Variants in NAV3 observed in about 807,000 individuals in gnomAD.
NAV3 encodes the protein neuron navigator 3.
Under a neutral mutation model 244.7 loss-of-function variants are expected in NAV3, and 87 were observed. That is an observed-to-expected ratio of 0.36 (90% CI 0.30 to 0.42). The LOEUF (loss-of-function observed/expected upper bound fraction) is 0.42. Among genes scored for constraint, NAV3 ranks in the 20% least tolerant of loss-of-function variants. The probability of loss-of-function intolerance (pLI) is 1.00; values close to 1 mark genes in which losing one functional copy is unlikely to be tolerated. For missense variants in NAV3, 2,663 were observed against 2,893.3 expected, an observed-to-expected ratio of 0.92 and a Z score of 1.83; for synonymous variants, 1,126 against 1,042.2, an observed-to-expected ratio of 1.08 and a Z score of -1.55.
intron 2 of NAV3, among the ~76,000 whole-genome samples, chr12:77,715,475 A>T (rs1876318224): frequency 6.6e-6 from 1 of 151,972 alleles, no homozygotes; most frequent in African/African-American, 2.4e-5. Flanking sequence ...ACACATTTAC[A>T]TACATTAATA....
intron 2 of NAV3, among the ~76,000 whole-genome samples, chr12:77,678,479 G>A (rs1874306375): frequency 6.6e-6 from 1 of 152,102 alleles, no homozygotes; most frequent in South Asian, 2.1e-4. Flanking sequence ...ATGACTCAAG[G>A]TCGTCATTCT....
intron 1 of NAV3, among the ~76,000 whole-genome samples, chr12:77,936,698 G>A (rs1373071407): frequency 6.6e-6 from 1 of 152,038 alleles, no homozygotes; most frequent in African/African-American, 2.4e-5. Context: ...GGGCAATTTT[G>A]GAGTTCAAAT....
At chr12:77,682,636 T>C (rs975381893) in intron 2 of NAV3, among the ~76,000 whole-genome samples, 6 of 152,206 alleles carry the variant, frequency 3.9e-5, no homozygotes, top group Admixed American at 6.6e-5. Context: ...GCAAAGGTTC[T>C]CTTTTCTCCA....
intron 38 of NAV3, among the ~76,000 whole-genome samples, chr12:78,202,482 C>T (rs1010856359): frequency 6.6e-6 from 1 of 151,750 alleles, no homozygotes; most frequent in Non-Finnish European, 1.5e-5. Flanking sequence ...GTTCTTTTTT[C>T]ATATTTAAAT....
chr12:77,649,617 C>A (rs1374368219), intron 2 of NAV3, among the ~76,000 whole-genome samples: 3 of 152,008 alleles, frequency 2.0e-5, no homozygotes. Flanking sequence ...GAATGAAATT[C>A]ATGTTTACTG....
chr12:77,963,553 G>C (rs188632558), intron 3 of NAV3, among the ~76,000 whole-genome samples: 11 of 152,156 alleles, frequency 7.2e-5, no homozygotes, highest in Non-Finnish European at 4.4e-5. Context: ...ATAAATTTTG[G>C]TAAACTGTTA....
intron 2 of NAV3, among the ~76,000 whole-genome samples, chr12:77,621,257 A>T (rs1871358178): frequency 6.6e-6 from 1 of 152,188 alleles, no homozygotes; most frequent in South Asian, 2.1e-4. Context: ...GCTCTCCTGT[A>T]GCTGCTAGGC....
intron 2 of NAV3, among the ~76,000 whole-genome samples, chr12:77,770,482 T>C (rs2135874494): frequency 6.6e-6 from 1 of 152,260 alleles, no homozygotes; most frequent in East Asian, 1.9e-4. Context: ...AAGTAGGGAT[T>C]TTTGCCTAAA....
rs1958816997 is a variant in NAV3, at chr12:78,188,302, A to C, written c.5845A>C (p.Lys1949Gln). The C allele has an allele frequency of 6.2e-7, 1 of 1,611,632 alleles. No individual in the cohort carries two copies. The highest frequency in any genetic ancestry group is 8.5e-7 in the Non-Finnish European group (1 of 1,178,342). The change falls in exon 32 of 40, where the codon AAG becomes CAG. Residue 1949 changes from lysine to glutamine, a missense_variant. Around this residue, in one of 6 missense-constraint regions of NAV3, gnomAD observed 543 missense variants for 672.4 expected, o/e 0.81. Coordinates refer to ENST00000397909, the MANE Select transcript of NAV3 (RefSeq NM_001024383.2). ...ATCCATTGGTGTTAGTGGAAAAACC[A>C]AGTGGGATGTCTTAGATGGTGTAAT... The part of the protein sequence containing the change: ...IGSIGVSGKT[K>Q]WDVLDGVIRR...
intron 35 of NAV3, 99 bp downstream of exon 35, chr12:78,197,500 T>A: frequency 4.8e-6 from 4 of 830,948 alleles, no homozygotes; most frequent in Non-Finnish European, 7.0e-6. Flanking sequence ...GTTTAATATT[T>A]AATTTTTATT....
intron 3 of NAV3, among the ~76,000 whole-genome samples, chr12:77,946,697 A>C (rs1890380947): frequency 6.6e-6 from 1 of 152,178 alleles, no homozygotes; most frequent in African/African-American, 2.4e-5. Context: ...AAATTAGTAA[A>C]CTATAAATAC....
intron 20 of NAV3, among the ~76,000 whole-genome samples, chr12:78,141,775 A>T (rs1331644268): frequency 6.6e-6 from 1 of 152,208 alleles, no homozygotes; most frequent in Non-Finnish European, 1.5e-5. Flanking sequence ...TGAAAAAAAC[A>T]CATAAAAGAA....
chr12:77,674,698 A>G (rs779914084), intron 2 of NAV3, among the ~76,000 whole-genome samples: 3 of 152,148 alleles, frequency 2.0e-5, no homozygotes, highest in Admixed American at 6.5e-5. Flanking sequence ...CTATACTCCA[A>G]TTTTAAACTC....
At chr12:77,586,827 A>T (rs1247027464) in intron 2 of NAV3, among the ~76,000 whole-genome samples, 2 of 152,208 alleles carry the variant, frequency 1.3e-5, no homozygotes, top group African/African-American at 4.8e-5. Flanking sequence ...CAGCACACAT[A>T]TAGAACATTT....
At chr12:77,594,682 G>A (rs891028150) in intron 2 of NAV3, among the ~76,000 whole-genome samples, 1 of 152,104 alleles carries the variant, frequency 6.6e-6, no homozygotes. Flanking sequence ...TTAGAAGACC[G>A]TTTTTTCCCC....
chr12:77,917,875 G>A (rs183013072), intron 1 of NAV3, among the ~76,000 whole-genome samples: 5 of 151,942 alleles, frequency 3.3e-5, no homozygotes, highest in Admixed American at 2.6e-4. Context: ...TTGACTAGAC[G>A]CTGACTCATA....
At chr12:77,910,879 G>C (rs939497204) in intron 1 of NAV3, among the ~76,000 whole-genome samples, 4 of 152,194 alleles carry the variant, frequency 2.6e-5, no homozygotes, top group African/African-American at 9.6e-5. Context: ...GAAAAGAGGT[G>C]AAACAGTAAC....
At chr12:77,994,006 G>A (rs1593222464) in intron 5 of NAV3, among the ~76,000 whole-genome samples, 1 of 152,188 alleles carries the variant, frequency 6.6e-6, no homozygotes, top group East Asian at 1.9e-4. Flanking sequence ...GAGATCAGTT[G>A]AACTTAATGT....
At chr12:77,654,005 C>G (rs1872948001) in intron 2 of NAV3, among the ~76,000 whole-genome samples, 1 of 152,180 alleles carries the variant, frequency 6.6e-6, no homozygotes, top group Admixed American at 6.5e-5. Context: ...CAGCTCTGGT[C>G]TACAGCTCCC....
Sources: allele counts gnomAD v4.1 joint callset (sites outside exome capture counted in the v4.1 genomes callset), GRCh38; gene constraint gnomAD v4.1.1; regional missense constraint gnomAD v4.1.1; transcripts MANE v1.5; gene names NCBI Gene and HGNC (gene_info 2026-07-23, HGNC 2026-07-21).